The following HELZ variants were observed in gnomAD, a reference collection of about 807,000 sequenced individuals.
HELZ encodes the protein helicase with zinc finger.
HELZ carries 23 observed loss-of-function variants against 218.2 expected under a neutral mutation model. The observed-to-expected ratio is 0.11, with a 90% confidence interval of 0.08 to 0.15. The LOEUF is 0.15. Among genes scored for constraint, HELZ ranks in the 10% least tolerant of loss-of-function variants. The pLI, the probability that HELZ is intolerant of heterozygous loss-of-function variation, is 1.00. For missense variants in HELZ, 1,813 were observed against 2,353.7 expected (o/e 0.77, Z 4.75); for synonymous variants, 814 against 829.4 (o/e 0.98, Z 0.32).
At chr17:67,143,299 A>G (rs961231309) in intron 21 of HELZ, among the ~76,000 whole-genome samples, 8 of 151,748 alleles carry the variant, frequency 5.3e-5, no homozygotes, top group Admixed American at 2.6e-4. Context: ...TTCCAACTGA[A>G]TTTTTCAAGG....
In HELZ at chr17:67,073,549, G is replaced by A. The variant is rs1270427554; in HGVS notation, c.*4703C>T. On this transcript the variant is annotated 3_prime_UTR_variant, in exon 33 of 33. Transcript: ENST00000358691. ...TTTAGACGCTTTAGACGACCACTGC[G>A]GAACTGGGTTTGGTATTTAACCACA... 2 of 152,078 alleles carry A rather than the reference G, an allele frequency of 1.3e-5. No homozygotes were observed. Among genetic ancestry groups the A allele is most frequent in the Non-Finnish European group, 2.9e-5 (2 of 68,018 alleles). 9.4% of individuals were successfully genotyped at this position (152,078 alleles called of 1,614,324 possible).
Position 67,137,992 on chromosome 17 carries a change from A to G in HELZ, c.2892T>C (p.Arg964=). The G allele has an allele frequency of 1.2e-6, 2 of 1,613,730 alleles. No homozygotes were observed. Among genetic ancestry groups the G allele is most frequent in the Non-Finnish European group, 1.7e-6 (2 of 1,179,788 alleles). ...TPYADQVFRI[R]AELRKKRLSD... ...ATAATCTCTTTTTTCGAAGTTCAGC[A>G]CGTATTCTAAACACTTGATCAGCAT... Residue 964 remains arginine (R), a synonymous_variant, in exon 22 of 33, where the codon CGT becomes CGC. Transcript: ENST00000358691.
intron 13 of HELZ, among the ~76,000 whole-genome samples, chr17:67,168,604 T>C (rs2039218328): frequency 1.3e-5 from 2 of 152,224 alleles, no homozygotes; most frequent in Admixed American, 1.3e-4. Flanking sequence ...ATAATGTTAA[T>C]GAATAACATT....
rs74994490 is a variant in HELZ at position 67,139,683 on chromosome 17, C to A, written c.2770-1569G>T. ...AGAAGCATCCATCTATTCAACAAAA[C>A]CTGTAAAAACTCACTGAGAACAGTG... On this transcript the variant is annotated intron_variant, in intron 21 of 32. Transcript: ENST00000358691. Among the ~76,000 whole-genome samples, 92 of 152,260 alleles carry A rather than the reference C, an allele frequency of 6.0e-4. 1 individual carries two copies. Among genetic ancestry groups the A allele is most frequent in the East Asian group, 5.6e-3 (29 of 5,176 alleles).
rs1317724865 is a variant in HELZ at position 67,151,147 on chromosome 17, G to A, written c.2255C>T (p.Ser752Phe). The change falls in exon 18 of 33, where the codon TCC becomes TTC. Residue 752 changes from serine (S) to phenylalanine (F), a missense_variant. This residue lies in a region of HELZ where 714 missense variants were observed against 1,029.2 expected (regional missense o/e 0.69). Transcript: ENST00000358691. ...TTCTTTCTGGGGCATCTGAAAGGTGGAATGTGCGCTTGAGATCAAACAGTA... is the reference window on the plus strand; with the variant it reads ...TTCTTTCTGGGGCATCTGAAAGGTGAAATGTGCGCTTGAGATCAAACAGTA... ...HQYCLISSAH[S>F]TFQMPQKEDI... is the part of the protein sequence containing the mutation. The A allele has an allele frequency of 6.2e-7, 1 of 1,613,886 alleles. No homozygotes were observed. Among genetic ancestry groups the A allele is most frequent in the Non-Finnish European group, 8.5e-7 (1 of 1,179,796 alleles).
intron 15 of HELZ, among the ~76,000 whole-genome samples, chr17:67,164,639 A>T (rs764847816): frequency 1.4e-5 from 2 of 138,120 alleles, no homozygotes; most frequent in Non-Finnish European, 2.9e-5. Context: ...AAAGAATAAC[A>T]TAAAGATAAG....
intron 32 of HELZ, among the ~76,000 whole-genome samples, chr17:67,081,129 G>C (rs1426651536): frequency 6.6e-6 from 1 of 152,200 alleles, no homozygotes; most frequent in African/African-American, 2.4e-5. Flanking sequence ...CAGAAACCTA[G>C]CTTTGACTAT....
intron 14 of HELZ, 119 bp from the exon 15 acceptor site, chr17:67,166,727 G>C: frequency 1.3e-6 from 1 of 766,468 alleles, no homozygotes; most frequent in Non-Finnish European, 2.1e-6. Context: ...TTCTTTTAAA[G>C]TATAATCATA....
chr17:67,126,246 T>C (rs2037791577), intron 24 of HELZ, among the ~76,000 whole-genome samples: 1 of 152,200 alleles, frequency 6.6e-6, no homozygotes, highest in African/African-American at 2.4e-5. Context: ...ACAGTAGCAA[T>C]AGGAAACTAA....
chr17:67,228,660 C>CAA lies in HELZ; in HGVS notation c.-18-9840_-18-9839dup, dbSNP rs202058543. On this transcript the variant is annotated intron_variant, in intron 3 of 32. Transcript: ENST00000358691. ...CAGGATGACAGAGGAGACTTTGTCT[C>CAA]AAAAAAAAAAAAAATTTATTGTGAC... 7.1e-3 allele frequency among the ~76,000 whole-genome samples: 842 copies of CAA among 118,160 alleles called. 13 individuals carry two copies. Among genetic ancestry groups the CAA allele is most frequent in the African/African-American group, 0.024 (796 of 32,874 alleles). 77.5% of individuals were successfully genotyped at this position (118,160 alleles called of 152,430 possible). A position where few individuals can be genotyped will look rare whatever the true frequency, so the allele number is the denominator to read the frequency against.
rs956303808 is a variant in HELZ, at chr17:67,109,639, A to C, written c.3966T>G (p.Pro1322=). The change falls in exon 29 of 33, where the codon CCT becomes CCG. Residue 1322 remains proline (P), a synonymous_variant. Coordinates refer to ENST00000358691, the MANE Select transcript of HELZ (RefSeq NM_014877.4). The part of the protein sequence containing the change: ...NPQNRSPESR[P]SVVYPSTKFP... Reference sequence around the variant, plus strand: ...ATTTGGTACTGGGATAAACAACACTAGGACGTGATTCAGGACTTCTGTTCT... The same window carrying C: ...ATTTGGTACTGGGATAAACAACACTCGGACGTGATTCAGGACTTCTGTTCT... The C allele has an allele frequency of 6.2e-7, 1 of 1,614,142 alleles. No individual in the cohort carries two copies. The highest frequency in any genetic ancestry group is 1.7e-5 in the Admixed American group (1 of 60,018).
At chr17:67,089,645 T>TTTTATA (rs1491246324) in intron 31 of HELZ, among the ~76,000 whole-genome samples, 1 of 43,984 alleles carries the variant, frequency 2.3e-5, no homozygotes, top group African/African-American at 6.7e-5. Context: ...CTATTGGAGA[T>TTTTATA]TTTATATATA....
At chr17:67,138,252 T>C (rs1598301319) in intron 21 of HELZ, 138 bp from the exon 22 acceptor site, 3 of 562,660 alleles carry the variant, frequency 5.3e-6, no homozygotes, top group East Asian at 6.2e-5. Context: ...TACCCCTAAA[T>C]GGGAGTAATG....
At chr17:67,116,525 T>C (rs1263442426) in intron 27 of HELZ, among the ~76,000 whole-genome samples, 1 of 150,930 alleles carries the variant, frequency 6.6e-6, no homozygotes, top group Non-Finnish European at 1.5e-5. Flanking sequence ...TGCTATCACT[T>C]GATAAGAGAA....
intron 4 of HELZ, 49 bp from the exon 5 acceptor site, chr17:67,215,984 T>C (rs1433948153): frequency 3.8e-6 from 4 of 1,045,730 alleles, no homozygotes; most frequent in Non-Finnish European, 5.9e-6. Context: ...AGAGCTGCTT[T>C]TAACAGAGAT....
chr17:67,139,284 G>A (rs962953653), intron 21 of HELZ, among the ~76,000 whole-genome samples: 2 of 152,066 alleles, frequency 1.3e-5, no homozygotes, highest in Non-Finnish European at 2.9e-5. Flanking sequence ...AGACTACCCA[G>A]GGAAGGTGAA....
chr17:67,102,332 TAGGTA>T (rs1461432972), intron 31 of HELZ, among the ~76,000 whole-genome samples: 1 of 152,206 alleles, frequency 6.6e-6, no homozygotes, highest in Non-Finnish European at 1.5e-5. Context: ...AATGTTATAG[TAGGTA>T]TCTTTGTCTA....
chr17:67,205,192 G>T (rs1384875274), intron 5 of HELZ, among the ~76,000 whole-genome samples: 1 of 151,936 alleles, frequency 6.6e-6, no homozygotes, highest in African/African-American at 2.4e-5. Flanking sequence ...CGGGCATGGT[G>T]GCAGGCACCT....
intron 5 of HELZ, among the ~76,000 whole-genome samples, chr17:67,210,356 G>A (rs2040419554): frequency 6.6e-6 from 1 of 152,112 alleles, no homozygotes; most frequent in Admixed American, 6.5e-5. Context: ...CTTTAACAGG[G>A]GTTGCTGATT....
Sources: gnomAD v4.1 joint callset for allele counts (sites outside exome capture counted in the v4.1 genomes callset) on GRCh38, gnomAD v4.1.1 for gene constraint, gnomAD v4.1.1 regional missense constraint, MANE v1.5 for transcripts, NCBI Gene and HGNC (gene_info 2026-07-23, HGNC 2026-07-21) for gene names.